The following ALLC variants were observed in gnomAD, a reference collection of about 807,000 sequenced individuals.
ALLC encodes allantoicase.
Under a neutral mutation model 45.0 loss-of-function variants are expected in ALLC, and 40 were observed. The observed-to-expected ratio is 0.89, with a 90% confidence interval of 0.69 to 1.16. The LOEUF (loss-of-function observed/expected upper bound fraction) is 1.16. Among genes scored for constraint, ALLC ranks in the 50% most tolerant of loss-of-function variants. ALLC has a pLI of 0.00. For missense variants in ALLC, 488 were observed against 493.1 expected (o/e 0.99, Z 0.10); for synonymous variants, 176 against 178.1 (o/e 0.99, Z 0.09).
intron 1 of ALLC, among the ~76,000 whole-genome samples, chr2:3,664,581 C>T (rs1439349460): frequency 2.0e-5 from 3 of 152,106 alleles, no homozygotes; most frequent in African/African-American, 7.2e-5. Flanking sequence ...TTCATTTCTG[C>T]CAATTAAGGC....
chr2:3,677,937 A>C (rs1372477896), intron 3 of ALLC, among the ~76,000 whole-genome samples: 1 of 152,182 alleles, frequency 6.6e-6, no homozygotes, highest in Non-Finnish European at 1.5e-5. Context: ...TATCCTCCTC[A>C]TTCTGGAAGA....
At chr2:3,651,307 G>GT in the ALLC span, among the ~76,000 whole-genome samples, 14 of 5,550 alleles carry the variant, frequency 2.5e-3, 3 homozygotes, top group South Asian at 0.016. Flanking sequence ...TGGGTGGGTG[G>GT]GTGGGTGGGG....
At chr2:3,670,843 G>A (rs1383032066) in intron 1 of ALLC, among the ~76,000 whole-genome samples, 1 of 117,252 alleles carries the variant, frequency 8.5e-6, no homozygotes. Flanking sequence ...TATAGCTAGT[G>A]ATATTTTATT....
At chr2:3,681,942 T>A (rs1182610192) in intron 6 of ALLC, among the ~76,000 whole-genome samples, 1 of 152,162 alleles carries the variant, frequency 6.6e-6, no homozygotes, top group Non-Finnish European at 1.5e-5. Flanking sequence ...CCAGCACCCA[T>A]CTGCAAATGG....
chr2:3,674,132 T>C lies in ALLC; in HGVS notation c.84+7T>C, dbSNP rs1388292861. Reference sequence around the variant, plus strand: ...TGCAGAAAACCTCATAAAGGTATTGTAAATTGACATTCTGCAATGTAAAGG... The same window carrying C: ...TGCAGAAAACCTCATAAAGGTATTGCAAATTGACATTCTGCAATGTAAAGG... On this transcript the variant is annotated splice_region_variant and intron_variant, in intron 3 of 11. Coordinates refer to ENST00000252505, the MANE Select transcript of ALLC (RefSeq NM_018436.4). 6.4e-7 allele frequency: 1 copy of C among 1,554,342 alleles called. No individual in the cohort carries two copies. Among genetic ancestry groups the C allele is most frequent in the African/African-American group, 1.4e-5 (1 of 73,768 alleles).
At chr2:3,698,647 C>T (rs1667743929) in intron 10 of ALLC, among the ~76,000 whole-genome samples, 1 of 152,206 alleles carries the variant, frequency 6.6e-6, no homozygotes, top group Non-Finnish European at 1.5e-5. Flanking sequence ...TACACTTCTA[C>T]AATTGTTATG....
At chr2:3,679,406 G>A (rs1436672405) in intron 4 of ALLC, among the ~76,000 whole-genome samples, 1 of 152,196 alleles carries the variant, frequency 6.6e-6, no homozygotes. Flanking sequence ...AGAGGACAAT[G>A]AACACAGTGT....
At chr2:3,684,385 T>C (rs1470762664) in intron 7 of ALLC, among the ~76,000 whole-genome samples, 2 of 152,218 alleles carry the variant, frequency 1.3e-5, no homozygotes, top group East Asian at 3.8e-4. Context: ...TTGTATGTTT[T>C]ATTTGGAAAA....
At chr2:3,655,733 TA>T (rs1338825887), upstream of ALLC, among the ~76,000 whole-genome samples, 1 of 152,236 alleles carries the variant, frequency 6.6e-6, no homozygotes, top group Non-Finnish European at 1.5e-5. Context: ...GTGCTGGGAT[TA>T]TAAGCATGGA....
chr2:3,668,034 G>A (rs753177434), intron 1 of ALLC, among the ~76,000 whole-genome samples: 1 of 152,172 alleles, frequency 6.6e-6, no homozygotes, highest in Admixed American at 6.5e-5. Flanking sequence ...CAAAGTGCTG[G>A]GATTACAGGT....
intron 11 of ALLC, among the ~76,000 whole-genome samples, chr2:3,702,076 C>T (rs1290431664): frequency 6.6e-6 from 1 of 151,960 alleles, no homozygotes; most frequent in Admixed American, 6.6e-5. Flanking sequence ...TGGTCTCTTC[C>T]TTCATTTTCT....
At chr2:3,656,809 G>A (rs185359330), upstream of ALLC, among the ~76,000 whole-genome samples, 10 of 143,568 alleles carry the variant, frequency 7.0e-5, no homozygotes, top group South Asian at 2.1e-4. Context: ...TGGAGGGCAG[G>A]GGTCAGGGTG....
intron 11 of ALLC, among the ~76,000 whole-genome samples, chr2:3,701,845 T>C (rs1667850198): frequency 1.3e-5 from 2 of 152,244 alleles, no homozygotes; most frequent in African/African-American, 4.8e-5. Flanking sequence ...ACAAAATTGT[T>C]AAATGTTCAG....
intron 2 of ALLC, among the ~76,000 whole-genome samples, chr2:3,672,679 C>T (rs1021280073): frequency 6.8e-6 from 1 of 147,562 alleles, no homozygotes; most frequent in African/African-American, 2.6e-5. Context: ...GGGAGGTCCT[C>T]TGGCTCTGGT....
rs535395256 is a variant in ALLC, at chr2:3,671,590, G to A, written c.33+400G>A. On this transcript the variant is annotated intron_variant, in intron 2 of 11. Coordinates refer to ENST00000252505, the MANE Select transcript of ALLC (RefSeq NM_018436.4). ...CTCTGGTTAGATGGGAGGTCCTCTG[G>A]CTCTAGTTAGATGGGAGGTCCTCTG... Among the ~76,000 whole-genome samples the A allele has an allele frequency of 6.2e-5, 9 of 145,210 alleles. No individual in the cohort carries two copies. The East Asian group carries it at 1.8e-3, about 29-fold the overall frequency.
In ALLC at chr2:3,658,275, A is replaced by G. The variant is rs1168475335; in HGVS notation, c.-82A>G. 6.6e-6 allele frequency: 1 copy of G among 152,336 alleles called. No homozygotes were observed. The highest frequency in any genetic ancestry group is 1.9e-4 in the East Asian group (1 of 5,204). The allele number at this position is 152,336 out of a possible 1,614,324, so 9.4% of individuals were successfully genotyped here. A position where few individuals can be genotyped will look rare whatever the true frequency, so the allele number is the denominator to read the frequency against. On this transcript the variant is annotated 5_prime_UTR_variant, in exon 1 of 12. The change creates a new upstream start codon in the 5' untranslated region. Transcript: ENST00000252505. ...GGGAGCAAGAGATCCATTTATGAATACTTGATTTCTGACTGCTGGGTGAGC... is the reference window on the plus strand; with the variant it reads ...GGGAGCAAGAGATCCATTTATGAATGCTTGATTTCTGACTGCTGGGTGAGC...
chr2:3,664,043 C>T (rs1666636724), intron 1 of ALLC, among the ~76,000 whole-genome samples: 1 of 152,186 alleles, frequency 6.6e-6, no homozygotes, highest in Non-Finnish European at 1.5e-5. Flanking sequence ...ACTTAGACAC[C>T]CACTGCCAGC....
chr2:3,688,420 C>T, intron 7 of ALLC: 1 of 176,856 alleles, frequency 5.7e-6, no homozygotes, highest in South Asian at 1.0e-4. Flanking sequence ...AGAAGGGGCA[C>T]CCATGGTCTT....
chr2:3,702,258 C>T, intron 11 of ALLC, 105 bp from the exon 12 acceptor site: 1 of 872,262 alleles, frequency 1.1e-6, no homozygotes. Flanking sequence ...TATTTTAAAG[C>T]CCCTTCGGTT....
Sources: gnomAD v4.1 joint callset for allele counts (sites outside exome capture counted in the v4.1 genomes callset) on GRCh38, gnomAD v4.1.1 for gene constraint, MANE v1.5 for transcripts, NCBI Gene and HGNC (gene_info 2026-07-23, HGNC 2026-07-21) for gene names.